ST3GAL2: variants seen among roughly 807,000 people sequenced by gnomAD.
The protein encoded by ST3GAL2 is CMP-N-acetylneuraminate-beta-galactosamide-alpha-2,3-sialyltransferase 2.
Under a neutral mutation model 37.5 loss-of-function variants are expected in ST3GAL2, and 16 were observed. The ratio of observed to expected loss-of-function variants is 0.43; its 90% confidence interval spans 0.29 to 0.65. ST3GAL2 has a LOEUF of 0.65. ST3GAL2 is among the 30% of genes least tolerant of loss of function. The pLI, the probability that ST3GAL2 is intolerant of heterozygous loss-of-function variation, is 0.17. For synonymous variants in ST3GAL2, 238 were observed against 202.9 expected (o/e 1.17, Z -1.47); for missense variants, 383 against 487.8 (o/e 0.79, Z 2.02).
Position 70,392,337 on chromosome 16 carries a change from G to A in ST3GAL2, c.533+2645C>T, listed in dbSNP as rs2047487292. On this transcript the variant is annotated intron_variant, in intron 3 of 6. Coordinates refer to ENST00000342907, the MANE Select transcript of ST3GAL2 (RefSeq NM_006927.4). ...CCCTGGAAAGGGGCCAGAGCAGGAC[G>A]AGGAGGATGAGCTGCATCTCTGGCA... 3.3e-5 allele frequency among the ~76,000 whole-genome samples: 5 copies of A among 152,338 alleles called. No individual in the cohort carries two copies. The South Asian group carries it at 1.0e-3, about 32-fold the overall frequency.
At chr16:70,437,947 A>G (rs578215139) in intron 1 of ST3GAL2, among the ~76,000 whole-genome samples, 20 of 152,272 alleles carry the variant, frequency 1.3e-4, no homozygotes, top group African/African-American at 4.8e-4. Flanking sequence ...TTGACTGAAA[A>G]GAGGCCCCAG....
intron 1 of ST3GAL2, among the ~76,000 whole-genome samples, chr16:70,406,828 A>G (rs894589644): frequency 2.0e-5 from 3 of 151,832 alleles, no homozygotes; most frequent in African/African-American, 7.3e-5. Flanking sequence ...GTGGAATGGG[A>G]TTCAGCTGAG....
chr16:70,377,153 C>T lies in ST3GAL2; in HGVS notation c.*4536G>A, dbSNP rs1259267890. The T allele has an allele frequency of 2.2e-5, 3 of 135,906 alleles. No individual in the cohort carries two copies. The highest frequency in any genetic ancestry group is 4.5e-5 in the Non-Finnish European group (3 of 66,238). 8.4% of individuals were successfully genotyped at this position (135,906 alleles called of 1,614,324 possible). ...AGGCTGCAGTGAGCTCTGCACCAGT[C>T]TGGGCGACAGGAGACCCTGTCTCTT... On this transcript the variant is annotated 3_prime_UTR_variant, in exon 7 of 7. Coordinates refer to ENST00000342907, the MANE Select transcript of ST3GAL2 (RefSeq NM_006927.4).
intron 1 of ST3GAL2, among the ~76,000 whole-genome samples, chr16:70,405,329 CAG>C (rs2047582401): frequency 6.6e-6 from 1 of 151,882 alleles, no homozygotes; most frequent in Admixed American, 6.6e-5. Context: ...ATCACGAGGT[CAG>C]GAGATCGAGA....
chr16:70,395,258 C>T, intron 2 of ST3GAL2, 83 bp from the exon 3 acceptor site: 1 of 1,289,260 alleles, frequency 7.8e-7, no homozygotes, highest in Non-Finnish European at 1.1e-6. Context: ...CCTCCTCTGC[C>T]CTCACTATCC....
In ST3GAL2 at chr16:70,381,564, A is replaced by G; in HGVS notation, c.*125T>C. On this transcript the variant is annotated 3_prime_UTR_variant, in exon 7 of 7. Coordinates refer to ENST00000342907, the MANE Select transcript of ST3GAL2 (RefSeq NM_006927.4). ...GCCCGGCCGGTCCCCCAGTCTCGTGATTGGCGGGGCACAGCAGACGCCCCT... is the reference window on the plus strand; with the variant it reads ...GCCCGGCCGGTCCCCCAGTCTCGTGGTTGGCGGGGCACAGCAGACGCCCCT... 1 of 1,206,636 alleles carries G rather than the reference A, an allele frequency of 8.3e-7. No homozygotes were observed. The highest frequency in any genetic ancestry group is 2.6e-5 in the East Asian group (1 of 38,580). 74.7% of individuals were successfully genotyped at this position (1,206,636 alleles called of 1,614,324 possible).
chr16:70,426,527 T>C (rs1374220511), intron 1 of ST3GAL2, among the ~76,000 whole-genome samples: 3 of 150,616 alleles, frequency 2.0e-5, no homozygotes, highest in Non-Finnish European at 1.5e-5. Flanking sequence ...TTTTTTTTTT[T>C]TGAGACAGAG....
chr16:70,423,739 T>A (rs2047731573), intron 1 of ST3GAL2, among the ~76,000 whole-genome samples: 1 of 148,614 alleles, frequency 6.7e-6, no homozygotes, highest in Non-Finnish European at 1.5e-5. Context: ...TGCAATGGTG[T>A]GATCTCGGCT....
intron 1 of ST3GAL2, among the ~76,000 whole-genome samples, chr16:70,434,594 A>T (rs2047813200): frequency 6.6e-6 from 1 of 151,498 alleles, no homozygotes. Context: ...CTGTTTGGGC[A>T]CATCTGGTAA....
chr16:70,424,822 A>G (rs577344821), intron 1 of ST3GAL2, among the ~76,000 whole-genome samples: 2 of 152,266 alleles, frequency 1.3e-5, no homozygotes, highest in African/African-American at 4.8e-5. Flanking sequence ...TGGTTCCCAC[A>G]TGATGGAAGG....
intron 4 of ST3GAL2, among the ~76,000 whole-genome samples, chr16:70,383,685 T>G (rs2151656299): frequency 6.8e-6 from 1 of 146,488 alleles, no homozygotes; most frequent in East Asian, 1.9e-4. Context: ...AGATAACATT[T>G]CAGGTGGCCC....
chr16:70,395,155 C>T lies in ST3GAL2; in HGVS notation c.360G>A (p.Lys120=), dbSNP rs1341454759. The change falls in exon 3 of 7, where the codon AAG becomes AAA. Residue 120 remains lysine, a synonymous_variant. Transcript: ENST00000342907. ...RWWMMLQPQF[K]SHNTNEVLEK... ...CCAGCACCTCATTGGTGTTGTGTGA[C>T]TTGAACTGGGGCTGCAGCATCTGTG... The T allele has an allele frequency of 1.9e-6, 3 of 1,605,972 alleles. No homozygotes were observed. The highest frequency in any genetic ancestry group is 2.6e-6 in the Non-Finnish European group (3 of 1,175,672).
intron 1 of ST3GAL2, among the ~76,000 whole-genome samples, chr16:70,435,412 A>G (rs1427007449): frequency 6.6e-6 from 1 of 152,112 alleles, no homozygotes; most frequent in Non-Finnish European, 1.5e-5. Context: ...CCTGACCAAC[A>G]TGGAGAAACT....
At position 70,395,127 on chromosome 16, in the gene ST3GAL2, T is replaced by C. The variant is rs765447942; in HGVS notation, c.388A>G (p.Lys130Glu). ...TCGCCAGGCACTATCTGGAACAGCTTCTCCAGCACCTCATTGGTGTTGTGT... is the reference window on the plus strand; with the variant it reads ...TCGCCAGGCACTATCTGGAACAGCTCCTCCAGCACCTCATTGGTGTTGTGT... ...KSHNTNEVLE[K>E]LFQIVPGENP... is the part of the protein sequence containing the mutation. Residue 130 changes from lysine (K) to glutamate (E), a missense_variant, in exon 3 of 7, where the codon AAG becomes GAG. Lys to Glu is a moderately conservative substitution (Grantham distance 56). Transcript: ENST00000342907. 1 of 1,612,918 alleles carries C rather than the reference T, an allele frequency of 6.2e-7. No individual in the cohort carries two copies. Among genetic ancestry groups the C allele is most frequent in the Non-Finnish European group, 8.5e-7 (1 of 1,179,450 alleles).
intron 1 of ST3GAL2, among the ~76,000 whole-genome samples, chr16:70,430,173 T>C (rs1445560683): frequency 6.6e-6 from 1 of 152,212 alleles, no homozygotes; most frequent in African/African-American, 2.4e-5. Flanking sequence ...CCTCACTTTG[T>C]CTGCACAGCA....
intron 2 of ST3GAL2, among the ~76,000 whole-genome samples, chr16:70,397,837 C>T (rs2047527397): frequency 2.6e-5 from 4 of 152,006 alleles, no homozygotes; most frequent in Admixed American, 2.6e-4. Context: ...AAACAAAAAA[C>T]CCAGATCCAG....
At chr16:70,396,810 C>G (rs111373629) in intron 2 of ST3GAL2, among the ~76,000 whole-genome samples, 7 of 152,204 alleles carry the variant, frequency 4.6e-5, no homozygotes, top group African/African-American at 1.7e-4. Flanking sequence ...AACCAGATGG[C>G]CTGCAGAGCC....
intron 4 of ST3GAL2, among the ~76,000 whole-genome samples, chr16:70,386,790 C>T (rs570270615): frequency 2.0e-5 from 3 of 152,238 alleles, no homozygotes; most frequent in South Asian, 2.1e-4. Context: ...AGATTACAGG[C>T]GCATGCCACC....
intron 1 of ST3GAL2, among the ~76,000 whole-genome samples, chr16:70,411,377 T>TA (rs1286350871): frequency 2.1e-5 from 3 of 140,328 alleles, no homozygotes; most frequent in African/African-American, 5.6e-5. Flanking sequence ...GTGATTGCAA[T>TA]AAAAAATAAA....
Sources: allele counts gnomAD v4.1 joint callset (sites outside exome capture counted in the v4.1 genomes callset), GRCh38; gene constraint gnomAD v4.1.1; transcripts MANE v1.5; gene names NCBI Gene and HGNC (gene_info 2026-07-23, HGNC 2026-07-21).